USP19: variants seen among roughly 807,000 people sequenced by gnomAD.
USP19 encodes ubiquitin carboxyl-terminal hydrolase 19.
A neutral mutation model predicts 144.8 loss-of-function variants in USP19; 40 were observed. That is an observed-to-expected ratio of 0.28 (90% CI 0.21 to 0.36). The LOEUF (loss-of-function observed/expected upper bound fraction) is 0.36, where lower values mean the gene tolerates loss of function less well. Among genes scored for constraint, USP19 ranks in the 10% least tolerant of loss-of-function variants. USP19 has a pLI of 1.00. For missense variants in USP19, 1,518 were observed against 1,822.5 expected, an observed-to-expected ratio of 0.83 and a Z score of 3.04; for synonymous variants, 701 against 709.3, an observed-to-expected ratio of 0.99 and a Z score of 0.19.
Position 49,116,958 on chromosome 3 carries a change from A to G in USP19, c.910-15T>C. On this transcript the variant is annotated splice_polypyrimidine_tract_variant and intron_variant, in intron 6 of 26. Transcript: ENST00000417901. The surrounding 1 kb of genome is among the most constrained non-coding windows in gnomAD (Gnocchi z 5.0). Reference sequence around the variant, plus strand: ...TCAGCCTCAACCTATTAATGGCAAGATTGTGGAAAGAATCAGCCCTGGGTC... The same window carrying G: ...TCAGCCTCAACCTATTAATGGCAAGGTTGTGGAAAGAATCAGCCCTGGGTC... 4 of 1,610,928 alleles carry G rather than the reference A, an allele frequency of 2.5e-6. No homozygotes were observed. Among genetic ancestry groups the G allele is most frequent in the Non-Finnish European group, 3.4e-6 (4 of 1,178,208 alleles).
chr3:49,108,440 G>T lies in USP19; in HGVS notation c.4127C>A (p.Thr1376Asn), dbSNP rs1289208850. The T allele has an allele frequency of 1.4e-6, 2 of 1,383,856 alleles. No individual in the cohort carries two copies. The highest frequency in any genetic ancestry group is 1.9e-6 in the Non-Finnish European group (2 of 1,056,324). The allele number at this position is 1,383,856 out of a possible 1,614,324, so 85.7% of individuals were successfully genotyped here. ...ATCCACCTCCTCCATGTTGCTGTAG[G>T]TGGGGGCTGGCCGATCCACAGGGGG... The part of the protein sequence containing the change: ...FAPPVDRPAP[T>N]YSNMEEVD Residue 1376 changes from threonine (T) to asparagine (N), a missense_variant, in exon 27 of 27, where the codon ACC becomes AAC. By Grantham distance (65) the Thr-to-Asn change is moderately conservative. This residue lies in a region of USP19 where 118 missense variants were observed against 100.2 expected (regional missense o/e 1.18). Transcript: ENST00000417901. This position sits in a 1 kb window ranked among gnomAD's most constrained non-coding sequence, Gnocchi z 4.8.
chr3:49,120,734 A>C, intron 1 of USP19, 22 bp downstream of exon 1: 1 of 186,918 alleles, frequency 5.3e-6, no homozygotes, highest in Non-Finnish European at 1.1e-5. Context: ...CAAGCCAGCG[A>C]GTTGCAGCCT....
At chr3:49,113,643 G>C (rs977769012) in intron 17 of USP19, among the ~76,000 whole-genome samples, 1 of 151,938 alleles carries the variant, frequency 6.6e-6, no homozygotes, top group African/African-American at 2.4e-5. Context: ...TGTCACCCAG[G>C]CTGGAGTGCT....
In USP19 at chr3:49,114,621, A is replaced by G; in HGVS notation, c.2292+142T>C. 1 of 883,312 alleles carries G rather than the reference A, an allele frequency of 1.1e-6. No individual in the cohort carries two copies. Among genetic ancestry groups the G allele is most frequent in the South Asian group, 1.7e-5 (1 of 58,376 alleles). The allele number at this position is 883,312 out of a possible 1,614,324, so 54.7% of individuals were successfully genotyped here. A position where few individuals can be genotyped will look rare whatever the true frequency, so the allele number is the denominator to read the frequency against. ...ACCCTGAGTGGGCTCTTCAGCCCAA[A>G]TAGAATCCTAAGGCCTCCCTGCCAG... On this transcript the variant is annotated intron_variant, in intron 15 of 26. Transcript: ENST00000417901. The surrounding 1 kb of genome is among the most constrained non-coding windows in gnomAD (Gnocchi z 4.5).
chr3:49,115,695 C>T lies in USP19; in HGVS notation c.1692+29G>A. 1 of 1,607,292 alleles carries T rather than the reference C, an allele frequency of 6.2e-7. No individual in the cohort carries two copies. On this transcript the variant is annotated intron_variant, in intron 11 of 26. Coordinates refer to ENST00000417901, the MANE Select transcript of USP19 (RefSeq NM_001199161.2). The surrounding 1 kb of genome is among the most constrained non-coding windows in gnomAD (Gnocchi z 6.6). ...GCCCCAAGACTCTCCAGCCTCCATT[C>T]TTCGTCCTTCCCACCCCAGAATTCT...
chr3:49,115,997 T>A lies in USP19; in HGVS notation c.1471+50A>T, dbSNP rs1366033378. 2 of 1,571,610 alleles carry A rather than the reference T, an allele frequency of 1.3e-6. No homozygotes were observed. Reference sequence around the variant, plus strand: ...TGGTTAGCAGCATGTGACAGGGGTTTGGGTCCTGGTCACGTGGAACTGGGC... The same window carrying A: ...TGGTTAGCAGCATGTGACAGGGGTTAGGGTCCTGGTCACGTGGAACTGGGC... On this transcript the variant is annotated intron_variant, in intron 10 of 26. Transcript: ENST00000417901. The surrounding 1 kb of genome is among the most constrained non-coding windows in gnomAD (Gnocchi z 6.6).
Position 49,118,046 on chromosome 3 carries a change from G to A in USP19, c.199C>T (p.His67Tyr). 6.3e-7 allele frequency: 1 copy of A among 1,596,198 alleles called. No homozygotes were observed. Among genetic ancestry groups the A allele is most frequent in the Non-Finnish European group, 8.5e-7 (1 of 1,175,454 alleles). Reference sequence around the variant, plus strand: ...CGTGAGCCTGTGATCCCAGCTGCATGGGAGGCTGAGGCAGAAGGATCACCT... The same window carrying A: ...CGTGAGCCTGTGATCCCAGCTGCATAGGAGGCTGAGGCAGAAGGATCACCT... ...ASGDPSASASHAAGITGSRHR... is the reference protein window; with the variant it reads ...ASGDPSASASYAAGITGSRHR... Residue 67 changes from histidine (H) to tyrosine (Y), a missense_variant, in exon 3 of 27, where the codon CAT becomes TAT. Physicochemically the swap from His to Tyr is moderately conservative, Grantham distance 83. Around this residue, in one of 5 missense-constraint regions of USP19, gnomAD observed 707 missense variants for 728.9 expected, o/e 0.97. Transcript: ENST00000417901.
At position 49,111,261 on chromosome 3, in the gene USP19, C is replaced by T; in HGVS notation, c.3322G>A (p.Asp1108Asn). The T allele has an allele frequency of 1.2e-6, 2 of 1,614,180 alleles. No individual in the cohort carries two copies. The highest frequency in any genetic ancestry group is 1.7e-6 in the Non-Finnish European group (2 of 1,180,028). ...DSSNREQRLE[D>N]KGDTPLELGD... ...CACCCACAGCCTCAGACACCTTTGT[C>T]CTCTAGCCGCTGCTCTCGGTTGGAT... is the stretch of plus-strand genomic sequence containing the variant. Residue 1108 changes from aspartate to asparagine, a missense_variant, in exon 22 of 27, where the codon GAC becomes AAC. Physicochemically the swap from Asp to Asn is conservative, Grantham distance 23. Transcript: ENST00000417901. The surrounding 1 kb of genome is among the most constrained non-coding windows in gnomAD (Gnocchi z 5.9).
chr3:49,120,305 G>C (rs1054883311), intron 1 of USP19, among the ~76,000 whole-genome samples: 4 of 152,196 alleles, frequency 2.6e-5, no homozygotes, highest in Non-Finnish European at 4.4e-5. Flanking sequence ...ATGTGGTACT[G>C]GTGGGCTGGA....
chr3:49,113,884 G>A (rs1450687202), intron 17 of USP19, 108 bp downstream of exon 17: 2 of 1,216,122 alleles, frequency 1.6e-6, no homozygotes, highest in Admixed American at 1.9e-5. Context: ...ATGAGCCACT[G>A]TGCCCAGCCC....
chr3:49,117,841 T>C lies in USP19; in HGVS notation c.299-11A>G. On this transcript the variant is annotated splice_polypyrimidine_tract_variant and intron_variant, in intron 3 of 26. Coordinates refer to ENST00000417901, the MANE Select transcript of USP19 (RefSeq NM_001199161.2). This position sits in a 1 kb window ranked among gnomAD's most constrained non-coding sequence, Gnocchi z 4.4. ...GGTCTTCACAAGCTCCTGATGGTGA[T>C]AAGCAGGTAACAGAGACCCAGCCTA... 2 of 1,614,086 alleles carry C rather than the reference T, an allele frequency of 1.2e-6. No individual in the cohort carries two copies. The highest frequency in any genetic ancestry group is 1.7e-6 in the Non-Finnish European group (2 of 1,179,960).
intron 17 of USP19, 47 bp downstream of exon 17, chr3:49,113,943 TAC>T (rs774591171): frequency 7.6e-6 from 12 of 1,578,816 alleles, no homozygotes; most frequent in South Asian, 2.2e-5. Flanking sequence ...CTGTGGTGAG[TAC>T]ACACACACAT....
rs2042630059 is a variant in USP19, at chr3:49,108,209, C to T, written c.*203G>A. The T allele has an allele frequency of 1.3e-5, 3 of 238,380 alleles. No individual in the cohort carries two copies. Among genetic ancestry groups the T allele is most frequent in the East Asian group, 8.1e-5 (1 of 12,310 alleles). The allele number at this position is 238,380 out of a possible 1,614,324, so 14.8% of individuals were successfully genotyped here. ...GAATCAAATCACGCAGCACTGGAGG[C>T]GGCTGGAGAAGCCAAAGCCCACTGG... On this transcript the variant is annotated 3_prime_UTR_variant, in exon 27 of 27. Coordinates refer to ENST00000417901, the MANE Select transcript of USP19 (RefSeq NM_001199161.2). The surrounding 1 kb of genome is among the most constrained non-coding windows in gnomAD (Gnocchi z 4.8).
rs1343479511 is a variant in USP19 at position 49,111,634 on chromosome 3, C to T, written c.3083G>A (p.Gly1028Glu). Reference protein sequence around the residue: ...LVTPMAEGDTGLPRVWAAPDR... With the variant: ...LVTPMAEGDTELPRVWAAPDR... ...AGGGGCTGCCCACACCCGGGGAAGC[C>T]CTGTGTCCCCCTCAGCCATAGGGGT... The change falls in exon 21 of 27, where the codon GGG becomes GAG. Residue 1028 changes from glycine to glutamate, a missense_variant. Physicochemically the swap from Gly to Glu is moderately conservative, Grantham distance 98 (BLOSUM62 -2). This residue lies in a region of USP19 where 413 missense variants were observed against 515.8 expected (regional missense o/e 0.80). Coordinates refer to ENST00000417901, the MANE Select transcript of USP19 (RefSeq NM_001199161.2). The surrounding 1 kb of genome is among the most constrained non-coding windows in gnomAD (Gnocchi z 5.9). The T allele has an allele frequency of 6.2e-7, 1 of 1,607,666 alleles. No individual in the cohort carries two copies. The highest frequency in any genetic ancestry group is 2.2e-5 in the East Asian group (1 of 44,850).
rs2042898533 is a variant in USP19 at position 49,110,011 on chromosome 3, A to G, written c.4038+173T>C. On this transcript the variant is annotated intron_variant, in intron 26 of 26. Coordinates refer to ENST00000417901, the MANE Select transcript of USP19 (RefSeq NM_001199161.2). The surrounding 1 kb of genome is among the most constrained non-coding windows in gnomAD (Gnocchi z 6.1). Reference sequence around the variant, plus strand: ...TACTTGTATGTTTGTTAGTGTCCCCAAGGCATGGGGATGCCTCTGGCTAAA... The same window carrying G: ...TACTTGTATGTTTGTTAGTGTCCCCGAGGCATGGGGATGCCTCTGGCTAAA... 1.4e-6 allele frequency: 1 copy of G among 696,072 alleles called. No homozygotes were observed. The highest frequency in any genetic ancestry group is 2.1e-6 in the Non-Finnish European group (1 of 469,224). 43.1% of individuals were successfully genotyped at this position (696,072 alleles called of 1,614,324 possible).
Position 49,108,681 on chromosome 3 carries a change from GAA to G in USP19, c.4039-155_4039-154del. 3 of 1,313,906 alleles carry G rather than the reference GAA, an allele frequency of 2.3e-6. No homozygotes were observed. Among genetic ancestry groups the G allele is most frequent in the South Asian group, 2.2e-5 (1 of 44,580 alleles). The allele number at this position is 1,313,906 out of a possible 1,614,324, so 81.4% of individuals were successfully genotyped here. ...GAGACAGAGAGACGAGATTGGGCCT[GAA>G]TAGTCTGGTTTTATTAACACTTTTA... On this transcript the variant is annotated intron_variant, in intron 26 of 26. Transcript: ENST00000417901. The surrounding 1 kb of genome is among the most constrained non-coding windows in gnomAD (Gnocchi z 4.8).
At position 49,116,497 on chromosome 3, in the gene USP19, T is replaced by C; in HGVS notation, c.1237A>G (p.Arg413Gly). The C allele has an allele frequency of 1.2e-6, 2 of 1,614,226 alleles. No homozygotes were observed. The highest frequency in any genetic ancestry group is 2.7e-5 in the African/African-American group (2 of 75,052). Residue 413 changes from arginine to glycine, a missense_variant, in exon 8 of 27, where the codon AGA (arginine) becomes GGA (glycine). Coordinates refer to ENST00000417901, the MANE Select transcript of USP19 (RefSeq NM_001199161.2). The surrounding 1 kb of genome is among the most constrained non-coding windows in gnomAD (Gnocchi z 5.0). ...YVKEICRDTS[R>G]VLFREQDFTL... ...AAGTCCTGCTCACGGAAAAGTACTC[T>C]TGAGGTGTCCCTGCAGATCTCCTTC...
chr3:49,112,454 C>T lies in USP19; in HGVS notation c.2646+35G>A. On this transcript the variant is annotated intron_variant, in intron 18 of 26. Transcript: ENST00000417901. This position sits in a 1 kb window ranked among gnomAD's most constrained non-coding sequence, Gnocchi z 4.9. ...GACCAGGAAGAAGTGCCCCACCCAC[C>T]AGGGCGCTGTGCCATCAGGTTGGCC... is the stretch of plus-strand genomic sequence containing the variant. 1 of 1,613,834 alleles carries T rather than the reference C, an allele frequency of 6.2e-7. No individual in the cohort carries two copies. Among genetic ancestry groups the T allele is most frequent in the Non-Finnish European group, 8.5e-7 (1 of 1,179,832 alleles).
rs761830059 is a variant in USP19, at chr3:49,111,994, G to A, written c.2820C>T (p.Asn940=). The A allele has an allele frequency of 4.0e-5, 64 of 1,614,006 alleles. No individual in the cohort carries two copies. Among genetic ancestry groups the A allele is most frequent in the Non-Finnish European group, 5.2e-5 (61 of 1,180,054 alleles). ...PDHKGLCRPE[N]IGYPFLVSVP... Reference sequence around the variant, plus strand: ...CACTGACCAGGAAGGGGTAGCCAATGTTCTCAGGTCGGCAGAGGCCCTTGT... The same window carrying A: ...CACTGACCAGGAAGGGGTAGCCAATATTCTCAGGTCGGCAGAGGCCCTTGT... Residue 940 remains asparagine (N), a synonymous_variant, in exon 20 of 27, where the codon AAC becomes AAT. Transcript: ENST00000417901. The surrounding 1 kb of genome is among the most constrained non-coding windows in gnomAD (Gnocchi z 5.9).
Sources: allele counts gnomAD v4.1 joint callset (sites outside exome capture counted in the v4.1 genomes callset), GRCh38; gene constraint gnomAD v4.1.1; regional missense constraint gnomAD v4.1.1; non-coding constraint Gnocchi (gnomAD v3.1); transcripts MANE v1.5; gene names NCBI Gene and HGNC (gene_info 2026-07-23, HGNC 2026-07-21).